TRDN: variants seen among roughly 807,000 people sequenced by gnomAD.
The protein encoded by TRDN is triadin in skeletal muscle.
Under a neutral mutation model 149.7 loss-of-function variants are expected in TRDN, and 161 were observed. The ratio of observed to expected loss-of-function variants is 1.08; its 90% confidence interval spans 0.95 to 1.23. The LOEUF is 1.23. Among genes scored for constraint, TRDN ranks in the 50% most tolerant of loss-of-function variants. The probability of loss-of-function intolerance (pLI) is 0.00; values close to 1 mark genes in which losing one functional copy is unlikely to be tolerated. For missense variants in TRDN, 896 were observed against 823.5 expected (o/e 1.09, Z -1.08); for synonymous variants, 294 against 250.5 (o/e 1.17, Z -1.64).
chr6:123,302,253 T>C (rs1000186826), intron 24 of TRDN, among the ~76,000 whole-genome samples: 3 of 152,096 alleles, frequency 2.0e-5, no homozygotes, highest in Admixed American at 2.0e-4. Context: ...CATACTGTTT[T>C]TCTTTGAGTA....
At chr6:123,231,846 A>G (rs1775613969) in intron 38 of TRDN, among the ~76,000 whole-genome samples, 1 of 152,018 alleles carries the variant, frequency 6.6e-6, no homozygotes, top group African/African-American at 2.4e-5. Context: ...GTCAAAGTAG[A>G]ATTCAAAGTT....
Position 123,274,669 on chromosome 6 carries a change from C to A in TRDN, c.1569G>T (p.Glu523Asp), listed in dbSNP as rs1395279008. The A allele has an allele frequency of 3.7e-6, 6 of 1,607,274 alleles. No homozygotes were observed. The African/African-American group carries it at 4.0e-5, about 11-fold the overall frequency. ...QLQGKKEEKPEPQIKKEAKPA... is the reference protein window; with the variant it reads ...QLQGKKEEKPDPQIKKEAKPA... ...GTTTTGCTTCTTTTTTAATTTGGGG[C>A]TCTGAGGGAGAGAAAAGGCAGAAAA... Residue 523 changes from glutamate (E) to aspartate (D), a missense_variant and splice_region_variant, in exon 27 of 41, where the codon GAG becomes GAT. Transcript: ENST00000334268.
chr6:123,274,722 T>C (rs368292825), intron 26 of TRDN, 52 bp from the exon 27 acceptor site: 6 of 1,493,392 alleles, frequency 4.0e-6, no homozygotes, highest in Admixed American at 1.8e-5. Flanking sequence ...TAAACTAGAA[T>C]GAAAATTAAT....
intron 9 of TRDN, among the ~76,000 whole-genome samples, chr6:123,466,144 C>T (rs1469252323): frequency 1.3e-5 from 2 of 152,130 alleles, no homozygotes; most frequent in Non-Finnish European, 2.9e-5. Context: ...GAAAAATATC[C>T]ATTCATAATA....
At chr6:123,592,676 A>G (rs1783840569) in intron 1 of TRDN, among the ~76,000 whole-genome samples, 1 of 152,176 alleles carries the variant, frequency 6.6e-6, no homozygotes, top group Admixed American at 6.5e-5. Flanking sequence ...TTATTTGACT[A>G]AGCTTATTCA....
intron 7 of TRDN, among the ~76,000 whole-genome samples, chr6:123,506,207 G>T (rs1451800001): frequency 1.3e-5 from 2 of 152,100 alleles, no homozygotes; most frequent in Non-Finnish European, 2.9e-5. Context: ...ATGTTGACCT[G>T]GGCTCACAGC....
chr6:123,507,798 A>G (rs1293606936), intron 7 of TRDN, among the ~76,000 whole-genome samples: 1 of 152,216 alleles, frequency 6.6e-6, no homozygotes, highest in African/African-American at 2.4e-5. Flanking sequence ...TATTTGATTC[A>G]ATCTTGGAAT....
rs375504897 is a variant in TRDN, at chr6:123,560,300, C to G, written c.232+10623G>C. On this transcript the variant is annotated intron_variant, in intron 2 of 40. Transcript: ENST00000334268. ...CAAACTCATTGCCTTAACTCGGGCC[C>G]TCACTCTTACAAAGGGGCTACACAT... 4.9e-4 allele frequency among the ~76,000 whole-genome samples: 75 copies of G among 152,220 alleles called. No individual in the cohort carries two copies. In the East Asian group the frequency reaches 9.5e-3, roughly 19 times the overall value.
intron 12 of TRDN, among the ~76,000 whole-genome samples, chr6:123,403,493 A>G (rs1773068078): frequency 6.6e-6 from 1 of 152,192 alleles, no homozygotes; most frequent in South Asian, 2.1e-4. Context: ...AGAATAAAGA[A>G]ACACCAAATG....
rs1778432801 is a variant in TRDN at position 123,496,078 on chromosome 6, T to C, written c.853+1115A>G. On this transcript the variant is annotated intron_variant, in intron 9 of 40. Coordinates refer to ENST00000334268, the MANE Select transcript of TRDN (RefSeq NM_006073.4). ...ATATCATTAATATTATTAATATTAATATAATATATTAATATATAATATATA... is the reference window on the plus strand; with the variant it reads ...ATATCATTAATATTATTAATATTAACATAATATATTAATATATAATATATA... 2.0e-5 allele frequency among the ~76,000 whole-genome samples: 3 copies of C among 147,112 alleles called. No individual in the cohort carries two copies. In the South Asian group the frequency reaches 6.3e-4, roughly 31 times the overall value.
chr6:123,241,748 A>C (rs1171311530), intron 38 of TRDN, among the ~76,000 whole-genome samples: 1 of 152,046 alleles, frequency 6.6e-6, no homozygotes, highest in African/African-American at 2.4e-5. Context: ...GTCAAAGTTA[A>C]ATTTATTATC....
chr6:123,382,061 T>A (rs1781744255), intron 15 of TRDN, 57 bp downstream of exon 15: 1 of 1,307,526 alleles, frequency 7.6e-7, no homozygotes, highest in African/African-American at 1.6e-5. Context: ...TTTAAGAAGG[T>A]ATGCTGTTTC....
chr6:123,595,651 C>G (rs1327493421), intron 1 of TRDN, among the ~76,000 whole-genome samples: 1 of 152,144 alleles, frequency 6.6e-6, no homozygotes, highest in African/African-American at 2.4e-5. Flanking sequence ...CTCTGTGTCA[C>G]ATTTTGGTAA....
At chr6:123,533,282 C>A (rs1780341010) in intron 4 of TRDN, among the ~76,000 whole-genome samples, 1 of 151,874 alleles carries the variant, frequency 6.6e-6, no homozygotes, top group Admixed American at 6.6e-5. Context: ...TGTATATATA[C>A]ATGTATGTCT....
chr6:123,477,955 C>T (rs997900805), intron 9 of TRDN, among the ~76,000 whole-genome samples: 29 of 151,832 alleles, frequency 1.9e-4, no homozygotes, highest in African/African-American at 2.4e-4. Context: ...ATATACCTAA[C>T]GCGAGATGAC....
At chr6:123,328,746 GT>G (rs1779557390) in intron 23 of TRDN, among the ~76,000 whole-genome samples, 1 of 152,122 alleles carries the variant, frequency 6.6e-6, no homozygotes, top group Non-Finnish European at 1.5e-5. Flanking sequence ...TACGGCAACT[GT>G]TTTTCACCTT....
chr6:123,397,572 T>C (rs887986656), intron 12 of TRDN, among the ~76,000 whole-genome samples: 2 of 152,174 alleles, frequency 1.3e-5, no homozygotes, highest in Non-Finnish European at 2.9e-5. Context: ...TCCAATTGAC[T>C]GCTTTGAAAT....
intron 2 of TRDN, among the ~76,000 whole-genome samples, chr6:123,552,935 C>T (rs1781470535): frequency 6.6e-6 from 1 of 152,088 alleles, no homozygotes; most frequent in South Asian, 2.1e-4. Context: ...CTCTGTACTC[C>T]AATTTAGAAC....
intron 1 of TRDN, among the ~76,000 whole-genome samples, chr6:123,593,264 T>A (rs1367899392): frequency 6.6e-6 from 1 of 152,226 alleles, no homozygotes; most frequent in Non-Finnish European, 1.5e-5. Context: ...TCTGGAGGTA[T>A]ATATGACTTT....
Sources: gnomAD v4.1 joint callset for allele counts (sites outside exome capture counted in the v4.1 genomes callset) on GRCh38, gnomAD v4.1.1 for gene constraint, MANE v1.5 for transcripts, NCBI Gene and HGNC (gene_info 2026-07-23, HGNC 2026-07-21) for gene names.